Variants in DACH1 observed in about 807,000 individuals in gnomAD.
The protein encoded by DACH1 is dachshund homolog 1.
DACH1 carries 12 observed loss-of-function variants against 54.2 expected under a neutral mutation model. The ratio of observed to expected loss-of-function variants is 0.22; its 90% CI spans 0.14 to 0.36. The LOEUF (loss-of-function observed/expected upper bound fraction) is 0.36. Ranked by LOEUF, DACH1 falls within the 10% of genes least tolerant of loss-of-function variation. DACH1 has a pLI of 1.00. For missense variants in DACH1, 805 were observed against 929.8 expected (o/e 0.87, Z 1.75); for synonymous variants, 386 against 366.2 (o/e 1.05, Z -0.62).
intron 1 of DACH1, among the ~76,000 whole-genome samples, chr13:71,707,705 A>G (rs887344466): frequency 3.9e-5 from 6 of 152,194 alleles, no homozygotes; most frequent in Non-Finnish European, 7.4e-5. Flanking sequence ...AAGAAAAGTA[A>G]TAACTTTAAG....
intron 1 of DACH1, among the ~76,000 whole-genome samples, chr13:71,825,014 A>T (rs1387638893): frequency 5.3e-5 from 8 of 152,130 alleles, no homozygotes; most frequent in Non-Finnish European, 1.2e-4. Context: ...CAGGAGAAAG[A>T]AATGGGAAAA....
intron 3 of DACH1, among the ~76,000 whole-genome samples, chr13:71,622,685 G>A (rs2138546913): frequency 6.6e-6 from 1 of 151,910 alleles, no homozygotes; most frequent in Non-Finnish European, 1.5e-5. Context: ...CTCCTGGAAT[G>A]TAATGGAGTC....
intron 1 of DACH1, among the ~76,000 whole-genome samples, chr13:71,701,632 TA>T (rs1256339490): frequency 6.6e-6 from 1 of 152,154 alleles, no homozygotes; most frequent in Non-Finnish European, 1.5e-5. Flanking sequence ...AGATGAAATC[TA>T]AAATGCACAC....
chr13:71,622,101 T>C (rs2138545260), intron 3 of DACH1, among the ~76,000 whole-genome samples: 1 of 152,132 alleles, frequency 6.6e-6, no homozygotes, highest in East Asian at 1.9e-4. Flanking sequence ...GACATTTATG[T>C]CAACTACTAT....
intron 6 of DACH1, among the ~76,000 whole-genome samples, chr13:71,491,746 TG>T (rs1019211017): frequency 1.3e-5 from 2 of 152,186 alleles, no homozygotes; most frequent in African/African-American, 4.8e-5. Context: ...TGTCATCTTG[TG>T]GCAATTAATA....
intron 6 of DACH1, among the ~76,000 whole-genome samples, chr13:71,518,323 G>A (rs1881314543): frequency 6.6e-6 from 1 of 151,740 alleles, no homozygotes; most frequent in African/African-American, 2.4e-5. Context: ...AAGCCAAGGA[G>A]AGAGGCCTCA....
intron 1 of DACH1, among the ~76,000 whole-genome samples, chr13:71,759,877 G>A (rs1885328472): frequency 6.6e-6 from 1 of 152,106 alleles, no homozygotes; most frequent in Admixed American, 6.6e-5. Flanking sequence ...AGAGAACAAA[G>A]GGCCCTTATG....
At chr13:71,745,401 C>G (rs1421484887) in intron 1 of DACH1, among the ~76,000 whole-genome samples, 3 of 152,108 alleles carry the variant, frequency 2.0e-5, no homozygotes, top group African/African-American at 7.2e-5. Context: ...CTCACAGTAT[C>G]AAAGGGAAGA....
intron 2 of DACH1, chr13:71,675,125 T>C: frequency 1.9e-6 from 3 of 1,583,640 alleles, no homozygotes; most frequent in Admixed American, 1.7e-5. Context: ...AGGAAGTAAC[T>C]GGCTACAAAA....
intron 2 of DACH1, among the ~76,000 whole-genome samples, chr13:71,666,859 G>A (rs940622358): frequency 4.6e-5 from 7 of 152,094 alleles, no homozygotes; most frequent in Non-Finnish European, 8.8e-5. Context: ...GTGTGTGCCT[G>A]TAATCTCAGC....
intron 1 of DACH1, among the ~76,000 whole-genome samples, chr13:71,741,473 A>G (rs1257490904): frequency 6.6e-6 from 1 of 152,188 alleles, no homozygotes; most frequent in Non-Finnish European, 1.5e-5. Context: ...AGATTGGGAC[A>G]TTTTATTAGG....
At chr13:71,735,094 C>CAT (rs138853017) in intron 1 of DACH1, among the ~76,000 whole-genome samples, 320 of 28,242 alleles carry the variant, frequency 0.011, 8 homozygotes, top group Middle Eastern at 0.036. Context: ...ATGGGTTATA[C>CAT]ATATATGGGA....
intron 1 of DACH1, among the ~76,000 whole-genome samples, chr13:71,718,488 A>G (rs1472662393): frequency 1.3e-5 from 2 of 150,080 alleles, no homozygotes; most frequent in Non-Finnish European, 3.0e-5. Flanking sequence ...CAGGAGGAGG[A>G]TTACTTGTGT....
At chr13:71,772,276 A>G (rs904078785) in intron 1 of DACH1, among the ~76,000 whole-genome samples, 3 of 151,842 alleles carry the variant, frequency 2.0e-5, no homozygotes, top group African/African-American at 7.2e-5. Flanking sequence ...ATATGTGAGC[A>G]TGCCTAAAAG....
intron 4 of DACH1, among the ~76,000 whole-genome samples, chr13:71,564,440 T>G (rs1043855314): frequency 8.1e-6 from 1 of 124,058 alleles, no homozygotes; most frequent in Non-Finnish European, 1.8e-5. Context: ...GCCACAATAA[T>G]AAATGAAAAT....
At chr13:71,652,649 C>T (rs774622776) in intron 2 of DACH1, among the ~76,000 whole-genome samples, 2 of 151,998 alleles carry the variant, frequency 1.3e-5, no homozygotes, top group South Asian at 2.1e-4. Context: ...ATTAATTCAC[C>T]GAAGCAGAGT....
Position 71,866,852 on chromosome 13 carries a change from G to C in DACH1, c.-83C>G, listed in dbSNP as rs965003281. 53 of 1,117,680 alleles carry C rather than the reference G, an allele frequency of 4.7e-5. No homozygotes were observed. The highest frequency in any genetic ancestry group is 4.2e-4 in the African/African-American group (25 of 60,008). 69.2% of individuals were successfully genotyped at this position (1,117,680 alleles called of 1,614,324 possible). A position where few individuals can be genotyped will look rare whatever the true frequency, so the allele number is the denominator to read the frequency against. On this transcript the variant is annotated 5_prime_UTR_variant, in exon 1 of 11. Coordinates refer to ENST00000613252, the MANE Select transcript of DACH1 (RefSeq NM_080759.6). ...CCCCGGGAGGGGAAGGGGAAAAAAG[G>C]GGGGAGAAGGAGCGAGGGGGGCAAC...
chr13:71,758,602 T>C (rs1039491838), intron 1 of DACH1, among the ~76,000 whole-genome samples: 5 of 152,140 alleles, frequency 3.3e-5, no homozygotes, highest in Non-Finnish European at 7.3e-5. Flanking sequence ...TAAGAATAGC[T>C]TGAAATACCT....
intron 1 of DACH1, among the ~76,000 whole-genome samples, chr13:71,849,346 C>T (rs966313875): frequency 1.3e-5 from 2 of 152,178 alleles, no homozygotes; most frequent in South Asian, 4.1e-4. Flanking sequence ...CCACATGTAA[C>T]TGTCTCAATA....
Sources: gnomAD v4.1 joint callset for allele counts (sites outside exome capture counted in the v4.1 genomes callset) on GRCh38, gnomAD v4.1.1 for gene constraint, MANE v1.5 for transcripts, NCBI Gene and HGNC (gene_info 2026-07-23, HGNC 2026-07-21) for gene names.